Variants in PCDH7 observed in about 807,000 individuals in gnomAD.
PCDH7 encodes the protein protocadherin 7.
A neutral mutation model predicts 58.9 loss-of-function variants in PCDH7; 17 were observed. That is an observed-to-expected ratio of 0.29 (90% CI 0.20 to 0.43). PCDH7 has a LOEUF of 0.43. Ranked by LOEUF, PCDH7 falls within the 20% of genes least tolerant of loss-of-function variation. The probability of loss-of-function intolerance (pLI) is 1.00; values close to 1 mark genes in which losing one functional copy is unlikely to be tolerated. For synonymous variants in PCDH7, 664 were observed against 616.4 expected, an observed-to-expected ratio of 1.08 and a Z score of -1.14; for missense variants, 1,274 against 1,441.0, an observed-to-expected ratio of 0.88 and a Z score of 1.88.
chr4:30,961,108 A>C (rs192623539), intron 3 of PCDH7, among the ~76,000 whole-genome samples: 20 of 152,270 alleles, frequency 1.3e-4, no homozygotes, highest in Admixed American at 2.6e-4. Context: ...TTGCCAAATG[A>C]ATACAGTCAC....
At chr4:31,112,947 A>G (rs575151041) in intron 3 of PCDH7, among the ~76,000 whole-genome samples, 3 of 152,290 alleles carry the variant, frequency 2.0e-5, no homozygotes, top group African/African-American at 7.2e-5. Context: ...TGAACACTAC[A>G]TGAATTTCAG....
At chr4:31,020,065 T>C (rs1306216108) in intron 3 of PCDH7, among the ~76,000 whole-genome samples, 2 of 152,178 alleles carry the variant, frequency 1.3e-5, no homozygotes, top group Admixed American at 6.5e-5. Flanking sequence ...AATGTATCCA[T>C]GTGTAAAAAC....
chr4:30,962,985 T>C (rs1748612979), intron 3 of PCDH7, among the ~76,000 whole-genome samples: 1 of 152,114 alleles, frequency 6.6e-6, no homozygotes, highest in Non-Finnish European at 1.5e-5. Context: ...AGTCACATTG[T>C]CATCAGTGTT....
At chr4:30,968,327 ATATATACACACAC>A (rs1749188041) in intron 3 of PCDH7, among the ~76,000 whole-genome samples, 2 of 115,728 alleles carry the variant, frequency 1.7e-5, no homozygotes, top group Non-Finnish European at 1.7e-5. Context: ...CACTATATAT[ATATATACACACAC>A]TATATATATA....
At chr4:31,001,658 A>T (rs1008208487) in intron 3 of PCDH7, among the ~76,000 whole-genome samples, 1 of 152,178 alleles carries the variant, frequency 6.6e-6, no homozygotes, top group African/African-American at 2.4e-5. Context: ...AAAAGAAGTT[A>T]AAAAAGCACA....
rs902437237 is a variant in PCDH7, at chr4:30,725,222, A to C, written c.3174+626A>C. 10 of 993,448 alleles carry C rather than the reference A, an allele frequency of 1.0e-5. No individual in the cohort carries two copies. In the African/African-American group the frequency reaches 1.4e-4, roughly 14 times the overall value. 61.5% of individuals were successfully genotyped at this position (993,448 alleles called of 1,614,324 possible). On this transcript the variant is annotated intron_variant, in intron 1 of 1. Transcript: ENST00000361762. ...CCACTTTCAATCTTTTATATCTATA[A>C]TAATCGATACCTATAACAATTAGTG...
At position 31,059,716 on chromosome 4, in the gene PCDH7, C is replaced by T. The variant is rs1400345085; in HGVS notation, c.*8-82757C>T. ...GAGTCAGATATCTCTGAATTCTATT[C>T]TGTGTTTCTAATAACCCAAATAAAT... On this transcript the variant is annotated intron_variant, in intron 3 of 3. Coordinates refer to the PCDH7 transcript ENST00000509759. Among the ~76,000 whole-genome samples, 5 of 151,828 alleles carry T rather than the reference C, an allele frequency of 3.3e-5. No homozygotes were observed. The East Asian group carries it at 9.7e-4, about 29-fold the overall frequency.
intron 1 of PCDH7, among the ~76,000 whole-genome samples, chr4:30,874,365 A>G (rs1354041158): frequency 6.6e-6 from 1 of 152,162 alleles, no homozygotes; most frequent in Admixed American, 6.5e-5. Flanking sequence ...CTATGCAGCC[A>G]TAAAAAATGA....
intron 3 of PCDH7, among the ~76,000 whole-genome samples, chr4:31,092,029 C>T (rs556188083): frequency 2.0e-5 from 3 of 151,902 alleles, no homozygotes; most frequent in Non-Finnish European, 2.9e-5. Flanking sequence ...CCCCCACGCA[C>T]GTGTTTAGAT....
exon 2 of PCDH7, chr4:30,732,777 T>C (rs1385204264): frequency 6.6e-6 from 1 of 152,024 alleles, no homozygotes; most frequent in Admixed American, 6.6e-5. Flanking sequence ...TTTACTATTA[T>C]GACTGGAAAA....
At chr4:30,941,426 G>T (rs4563460) in intron 2 of PCDH7, among the ~76,000 whole-genome samples, 1 of 151,672 alleles carries the variant, frequency 6.6e-6, no homozygotes. Flanking sequence ...AGACTGAAGC[G>T]TTTTTGACAA....
Position 31,096,881 on chromosome 4 carries a change from T to C in PCDH7, c.*8-45592T>C, listed in dbSNP as rs368105898. 2.0e-5 allele frequency among the ~76,000 whole-genome samples: 3 copies of C among 151,420 alleles called. No individual in the cohort carries two copies. The East Asian group carries it at 5.9e-4, about 30-fold the overall frequency. Reference sequence around the variant, plus strand: ...ACTTTCTGTAAAAGTTCATAATTGATTACTGTGAAAATACTAATAAATTCC... The same window carrying C: ...ACTTTCTGTAAAAGTTCATAATTGACTACTGTGAAAATACTAATAAATTCC... On this transcript the variant is annotated intron_variant, in intron 3 of 3. Coordinates refer to the PCDH7 transcript ENST00000509759.
intron 3 of PCDH7, among the ~76,000 whole-genome samples, chr4:31,078,333 A>C (rs974445098): frequency 6.6e-6 from 1 of 152,048 alleles, no homozygotes; most frequent in Non-Finnish European, 1.5e-5. Flanking sequence ...GCCAGGCTAG[A>C]GTGCAGTGGT....
At chr4:31,017,657 C>G (rs13111601) in intron 3 of PCDH7, among the ~76,000 whole-genome samples, 1 of 151,814 alleles carries the variant, frequency 6.6e-6, no homozygotes, top group African/African-American at 2.4e-5. Context: ...CAATAATGAT[C>G]GTATAATGAA....
In PCDH7 at chr4:30,865,410, G is replaced by C. The variant is rs78965109; in HGVS notation, c.71-54743G>C. On this transcript the variant is annotated intron_variant, in intron 1 of 3. Transcript: ENST00000509759. ...GATCCAAAAATGAAGTGGAAATCCT[G>C]GAAGTAGTGAGTTCCCATCCCTAAG... 2.4e-4 allele frequency among the ~76,000 whole-genome samples: 36 copies of C among 152,150 alleles called. No homozygotes were observed. The East Asian group carries it at 6.6e-3, about 28-fold the overall frequency.
At chr4:31,020,466 A>G (rs1170259458) in intron 3 of PCDH7, among the ~76,000 whole-genome samples, 1 of 152,228 alleles carries the variant, frequency 6.6e-6, no homozygotes, top group Non-Finnish European at 1.5e-5. Flanking sequence ...ATATTAAAAC[A>G]GCTTCTAAAG....
chr4:31,062,274 A>G, intron 3 of PCDH7, among the ~76,000 whole-genome samples: 1 of 151,694 alleles, frequency 6.6e-6, no homozygotes, highest in East Asian at 1.9e-4. Context: ...TGCACTAAGG[A>G]TATTGCATTC....
intron 1 of PCDH7, among the ~76,000 whole-genome samples, chr4:30,894,510 TATATATACACAC>T (rs1218206515): frequency 1.5e-3 from 74 of 49,442 alleles, no homozygotes; most frequent in African/African-American, 5.7e-3. Flanking sequence ...TATATATATA[TATATATACACAC>T]ACACACACAC....
At chr4:31,051,345 C>A (rs894119455) in intron 3 of PCDH7, among the ~76,000 whole-genome samples, 1 of 152,106 alleles carries the variant, frequency 6.6e-6, no homozygotes. Context: ...AGGAGTGTGG[C>A]ACCTGAAGGT....
Sources: gnomAD v4.1 joint callset for allele counts (sites outside exome capture counted in the v4.1 genomes callset) on GRCh38, gnomAD v4.1.1 for gene constraint, MANE v1.5 for transcripts, NCBI Gene and HGNC (gene_info 2026-07-23, HGNC 2026-07-21) for gene names.